PLCXD3: variants seen among roughly 807,000 people sequenced by gnomAD.
PLCXD3 encodes the protein PI-PLC X domain-containing protein 3.
Under a neutral mutation model 25.5 loss-of-function variants are expected in PLCXD3, and 19 were observed. That is an observed-to-expected ratio of 0.75 (90% CI 0.52 to 1.09). The LOEUF is 1.09. PLCXD3 is among the 50% of genes least tolerant of loss of function. PLCXD3 has a pLI of 0.00. For synonymous variants in PLCXD3, 174 were observed against 137.6 expected (o/e 1.26, Z -1.85); for missense variants, 411 against 388.1 (o/e 1.06, Z -0.50).
intron 2 of PLCXD3, among the ~76,000 whole-genome samples, chr5:41,319,738 A>G (rs1381030839): frequency 6.6e-6 from 1 of 152,114 alleles, no homozygotes; most frequent in African/African-American, 2.4e-5. Flanking sequence ...CCAAATTAGT[A>G]GAAGAAAAGA....
chr5:41,375,105 G>A lies in PLCXD3; in HGVS notation c.812+6721C>T, dbSNP rs142314478. 1.8e-4 allele frequency among the ~76,000 whole-genome samples: 28 copies of A among 151,808 alleles called. No individual in the cohort carries two copies. The East Asian group carries it at 4.5e-3, about 24-fold the overall frequency. ...TGAGCTGGAGTGTGTCCCCATTGGAGAGAAAAAAAAGAGTCCGTTGGGTTC... is the reference window on the plus strand; with the variant it reads ...TGAGCTGGAGTGTGTCCCCATTGGAAAGAAAAAAAAGAGTCCGTTGGGTTC... On this transcript the variant is annotated intron_variant, in intron 2 of 2. Transcript: ENST00000377801.
chr5:41,493,261 C>T (rs547070465), intron 1 of PLCXD3, among the ~76,000 whole-genome samples: 279 of 152,238 alleles, frequency 1.8e-3, no homozygotes, highest in African/African-American at 6.0e-3. Context: ...TCATGAACCG[C>T]GAATGCTGCT....
intron 2 of PLCXD3, among the ~76,000 whole-genome samples, chr5:41,339,212 T>G (rs1744068203): frequency 6.6e-6 from 1 of 152,112 alleles, no homozygotes; most frequent in Non-Finnish European, 1.5e-5. Flanking sequence ...ATATAAAGCA[T>G]GCAGGAGCTG....
At chr5:41,420,166 A>G (rs1250622180) in intron 1 of PLCXD3, among the ~76,000 whole-genome samples, 1 of 152,220 alleles carries the variant, frequency 6.6e-6, no homozygotes, top group East Asian at 1.9e-4. Flanking sequence ...GAGCTTTTAA[A>G]TGGACTACTT....
At chr5:41,407,846 T>C (rs1396540632) in intron 1 of PLCXD3, among the ~76,000 whole-genome samples, 1 of 152,224 alleles carries the variant, frequency 6.6e-6, no homozygotes, top group Non-Finnish European at 1.5e-5. Flanking sequence ...CAAATCTGTA[T>C]CTTTCATATT....
intron 2 of PLCXD3, among the ~76,000 whole-genome samples, chr5:41,369,899 C>G (rs1038498973): frequency 6.6e-6 from 1 of 152,212 alleles, no homozygotes; most frequent in Non-Finnish European, 1.5e-5. Flanking sequence ...GCAGACAACA[C>G]AGTGAATTTG....
chr5:41,416,611 C>A (rs767163245), intron 1 of PLCXD3, among the ~76,000 whole-genome samples: 1 of 152,212 alleles, frequency 6.6e-6, no homozygotes, highest in Non-Finnish European at 1.5e-5. Flanking sequence ...AGTGACACAG[C>A]CCAGCATATG....
At chr5:41,504,713 G>A (rs60225001) in intron 1 of PLCXD3, among the ~76,000 whole-genome samples, 1,719 of 152,248 alleles carry the variant, frequency 0.011, 28 homozygotes, top group African/African-American at 0.039. Flanking sequence ...AGGAGCAAAG[G>A]TGACAACTCT....
intron 1 of PLCXD3, among the ~76,000 whole-genome samples, chr5:41,476,994 A>G (rs1275305266): frequency 6.6e-6 from 1 of 152,180 alleles, no homozygotes; most frequent in Non-Finnish European, 1.5e-5. Context: ...TCTGTCAATG[A>G]CAATGTTCTT....
At chr5:41,353,268 A>AT (rs11366152) in intron 2 of PLCXD3, among the ~76,000 whole-genome samples, 8,389 of 139,934 alleles carry the variant, frequency 0.06, 234 homozygotes, top group Non-Finnish European at 0.067. Flanking sequence ...AATTTTCTGT[A>AT]TTTTTTTTTT....
chr5:41,368,806 T>TA (rs1745010649), intron 2 of PLCXD3, among the ~76,000 whole-genome samples: 2 of 152,226 alleles, frequency 1.3e-5, no homozygotes, highest in Non-Finnish European at 2.9e-5. Flanking sequence ...ATGTGCTTTT[T>TA]GTCTTTAGTT....
intron 2 of PLCXD3, among the ~76,000 whole-genome samples, chr5:41,347,977 C>T (rs1220156477): frequency 6.6e-6 from 1 of 152,182 alleles, no homozygotes; most frequent in Non-Finnish European, 1.5e-5. Context: ...AGCAATTGTT[C>T]TCCAAAACAC....
intron 2 of PLCXD3, among the ~76,000 whole-genome samples, chr5:41,375,041 A>G (rs1325966146): frequency 6.6e-6 from 1 of 152,080 alleles, no homozygotes; most frequent in Non-Finnish European, 1.5e-5. Context: ...CCTTCCGGGT[A>G]CAGGCAAGGA....
At chr5:41,365,803 T>G (rs1014083393) in intron 2 of PLCXD3, among the ~76,000 whole-genome samples, 1 of 152,162 alleles carries the variant, frequency 6.6e-6, no homozygotes, top group Non-Finnish European at 1.5e-5. Context: ...TAATGTTTCA[T>G]TCACTTTTCC....
intron 2 of PLCXD3, among the ~76,000 whole-genome samples, chr5:41,363,312 G>A (rs1017010867): frequency 2.6e-5 from 4 of 152,164 alleles, no homozygotes; most frequent in African/African-American, 9.7e-5. Flanking sequence ...ACAGTCACTA[G>A]CATACACTCA....
intron 2 of PLCXD3, among the ~76,000 whole-genome samples, chr5:41,367,969 TG>T (rs1367222592): frequency 6.6e-6 from 1 of 152,202 alleles, no homozygotes; most frequent in Non-Finnish European, 1.5e-5. Context: ...GTCTTATTTC[TG>T]GGTTCTCTAT....
chr5:41,468,881 C>A (rs1356045047), intron 1 of PLCXD3, among the ~76,000 whole-genome samples: 1 of 151,974 alleles, frequency 6.6e-6, no homozygotes, highest in East Asian at 1.9e-4. Context: ...CTTTCTTTTG[C>A]CTAATTCTTC....
chr5:41,466,807 A>T (rs547260500), intron 1 of PLCXD3, among the ~76,000 whole-genome samples: 1 of 152,104 alleles, frequency 6.6e-6, no homozygotes, highest in African/African-American at 2.4e-5. Flanking sequence ...ACCATGTGGT[A>T]TTTGTCTTTC....
At chr5:41,458,586 G>C (rs1317691451) in intron 1 of PLCXD3, among the ~76,000 whole-genome samples, 1 of 151,986 alleles carries the variant, frequency 6.6e-6, no homozygotes, top group Non-Finnish European at 1.5e-5. Context: ...TTGGGACCAA[G>C]TGGTGAACAA....
Sources: allele counts gnomAD v4.1 joint callset (sites outside exome capture counted in the v4.1 genomes callset), GRCh38; gene constraint gnomAD v4.1.1; transcripts MANE v1.5; gene names NCBI Gene and HGNC (gene_info 2026-07-23, HGNC 2026-07-21).